The following CYP19A1 variants were observed in gnomAD, a reference collection of about 807,000 sequenced individuals.
The protein encoded by CYP19A1 is aromatase.
A neutral mutation model predicts 44.4 loss-of-function variants in CYP19A1; 32 were observed. The observed-to-expected ratio is 0.72, with a 90% CI of 0.54 to 0.97. The LOEUF (loss-of-function observed/expected upper bound fraction) is 0.97. Ranked by LOEUF, CYP19A1 falls within the 50% of genes least tolerant of loss-of-function variation. The pLI is 0.00. For missense variants in CYP19A1, 598 were observed against 637.8 expected (o/e 0.94, Z 0.67); for synonymous variants, 212 against 215.6 (o/e 0.98, Z 0.14).
At chr15:51,217,584 A>G (rs551820478) in intron 6 of CYP19A1, among the ~76,000 whole-genome samples, 16 of 152,334 alleles carry the variant, frequency 1.1e-4, no homozygotes, top group Admixed American at 6.5e-4. Flanking sequence ...CAAAATCCAC[A>G]GGTAGAATAA....
At chr15:51,278,356 G>A (rs1044884891) in intron 1 of CYP19A1, among the ~76,000 whole-genome samples, 5 of 152,178 alleles carry the variant, frequency 3.3e-5, no homozygotes, top group African/African-American at 4.8e-5. Context: ...GTACGCTCCT[G>A]TGAACAGAGA....
At chr15:51,212,588 G>A (rs749011486) in intron 8 of CYP19A1, 27 bp from the exon 9 acceptor site, 2 of 1,376,180 alleles carry the variant, frequency 1.5e-6, no homozygotes, top group Non-Finnish European at 2.1e-6. Context: ...AAGGAACAAA[G>A]AAGGTAATGT....
intron 7 of CYP19A1, 100 bp from the exon 8 acceptor site, chr15:51,215,332 A>G: frequency 6.5e-7 from 1 of 1,546,448 alleles, no homozygotes; most frequent in South Asian, 1.1e-5. Context: ...AACAAAATGA[A>G]ATCATAGAAA....
chr15:51,317,284 T>C (rs184353129), intron 1 of CYP19A1, among the ~76,000 whole-genome samples: 24 of 152,210 alleles, frequency 1.6e-4, no homozygotes, highest in Admixed American at 1.3e-3. Flanking sequence ...ATTTTTTTTG[T>C]ATTTTTAGTA....
rs538769505 is a variant in CYP19A1, at chr15:51,245,336, G to T, written c.-38-2386C>A. Among the ~76,000 whole-genome samples the T allele has an allele frequency of 5.1e-3, 778 of 152,200 alleles. 6 individuals are homozygous for T. Among genetic ancestry groups the T allele is most frequent in the Admixed American group, 8.4e-3 (129 of 15,302 alleles). ...CAGGGTAAGAATATATTTTATTTTA[G>T]TTTATTTTATTTTTATTATTATACT... On this transcript the variant is annotated intron_variant, in intron 1 of 9. Coordinates refer to ENST00000396402, the MANE Select transcript of CYP19A1 (RefSeq NM_000103.4).
intron 8 of CYP19A1, among the ~76,000 whole-genome samples, chr15:51,214,461 T>C (rs987143446): frequency 3.3e-5 from 5 of 152,118 alleles, no homozygotes; most frequent in African/African-American, 1.2e-4. Context: ...GGGAAATGTA[T>C]CACTACCCTG....
intron 1 of CYP19A1, among the ~76,000 whole-genome samples, chr15:51,283,107 T>C (rs945499310): frequency 1.3e-5 from 2 of 152,090 alleles, no homozygotes; most frequent in Admixed American, 1.3e-4. Flanking sequence ...TTTTGAGCCA[T>C]TTCAAACAGA....
chr15:51,210,556 G>C lies in CYP19A1; in HGVS notation c.*252C>G, dbSNP rs1449012108. On this transcript the variant is annotated 3_prime_UTR_variant, in exon 10 of 10. Transcript: ENST00000396402. ...GGTGGAATCGGGTCTTTATGGATAC[G>C]GTTTCTTCACCGACTATTTCTCCCT... 4 of 634,040 alleles carry C rather than the reference G, an allele frequency of 6.3e-6. No homozygotes were observed. Among genetic ancestry groups the C allele is most frequent in the Non-Finnish European group, 1.2e-5 (4 of 339,768 alleles). The allele number at this position is 634,040 out of a possible 1,614,324, so 39.3% of individuals were successfully genotyped here.
intron 1 of CYP19A1, among the ~76,000 whole-genome samples, chr15:51,334,717 T>A (rs545606625): frequency 6.6e-6 from 1 of 152,356 alleles, no homozygotes; most frequent in South Asian, 2.1e-4. Flanking sequence ...AATGTTGGAA[T>A]GGCAGATTCA....
intron 8 of CYP19A1, among the ~76,000 whole-genome samples, chr15:51,214,287 C>A (rs1415999715): frequency 5.9e-5 from 9 of 152,150 alleles, no homozygotes; most frequent in Non-Finnish European, 1.2e-4. Context: ...TGATTTCTTT[C>A]AAAGATGGCC....
intron 1 of CYP19A1, among the ~76,000 whole-genome samples, chr15:51,253,228 A>T (rs1286188982): frequency 6.6e-6 from 1 of 152,212 alleles, no homozygotes; most frequent in East Asian, 1.9e-4. Context: ...TTAGGGCCTT[A>T]TCAGGTGTCT....
chr15:51,213,389 G>C (rs1434273366), intron 8 of CYP19A1, among the ~76,000 whole-genome samples: 1 of 152,172 alleles, frequency 6.6e-6, no homozygotes, highest in African/African-American at 2.4e-5. Flanking sequence ...ATGAAAAATA[G>C]CCCAGGGTCC....
intron 1 of CYP19A1, among the ~76,000 whole-genome samples, chr15:51,256,793 G>A (rs2034532742): frequency 6.6e-6 from 1 of 152,138 alleles, no homozygotes; most frequent in South Asian, 2.1e-4. Context: ...TAATGTTAAT[G>A]GCAGAATCAT....
chr15:51,324,263 A>G (rs1173274638), intron 1 of CYP19A1, among the ~76,000 whole-genome samples: 1 of 152,272 alleles, frequency 6.6e-6, no homozygotes, highest in East Asian at 1.9e-4. Flanking sequence ...GTCATTGCCA[A>G]AGATGAATAT....
In CYP19A1 at chr15:51,208,709, A is replaced by C. The variant is rs2030629022; in HGVS notation, c.*2099T>G. The C allele has an allele frequency of 6.6e-6, 1 of 151,430 alleles. No individual in the cohort carries two copies. The highest frequency in any genetic ancestry group is 2.4e-5 in the African/African-American group (1 of 41,230). 9.4% of individuals were successfully genotyped at this position (151,430 alleles called of 1,614,324 possible). On this transcript the variant is annotated 3_prime_UTR_variant, in exon 10 of 10. Coordinates refer to ENST00000396402, the MANE Select transcript of CYP19A1 (RefSeq NM_000103.4). Reference sequence around the variant, plus strand: ...GGGAGAGTTTGCTTGGATCGTTCAAACCAACACTTCTCCTCTTCCTGTCCC... The same window carrying C: ...GGGAGAGTTTGCTTGGATCGTTCAACCCAACACTTCTCCTCTTCCTGTCCC...
At chr15:51,243,776 T>C (rs2033922393) in intron 1 of CYP19A1, among the ~76,000 whole-genome samples, 1 of 152,240 alleles carries the variant, frequency 6.6e-6, no homozygotes, top group African/African-American at 2.4e-5. Flanking sequence ...TAACATCCTG[T>C]GCAAGACAAT....
At chr15:51,293,043 C>A (rs1000821055) in intron 1 of CYP19A1, among the ~76,000 whole-genome samples, 4 of 151,868 alleles carry the variant, frequency 2.6e-5, no homozygotes, top group African/African-American at 7.3e-5. Context: ...ACACAATTGG[C>A]CGAGCTGTGG....
intron 1 of CYP19A1, chr15:51,337,761 C>A (rs1422325961): frequency 6.5e-6 from 1 of 152,700 alleles, no homozygotes; most frequent in Non-Finnish European, 1.5e-5. Flanking sequence ...GAGGGCAGAG[C>A]ATGGCAGCTG....
At chr15:51,212,600 AGTTTC>A in intron 8 of CYP19A1, 39 bp from the exon 9 acceptor site, 1 of 1,328,296 alleles carries the variant, frequency 7.5e-7, no homozygotes, top group Non-Finnish European at 1.1e-6. Flanking sequence ...AGGTAATGTT[AGTTTC>A]CATCTGTGAT....
Sources: allele counts gnomAD v4.1 joint callset (sites outside exome capture counted in the v4.1 genomes callset), GRCh38; gene constraint gnomAD v4.1.1; transcripts MANE v1.5; gene names NCBI Gene and HGNC (gene_info 2026-07-23, HGNC 2026-07-21).